ROBO2: variants seen among roughly 807,000 people sequenced by gnomAD.
ROBO2 encodes roundabout guidance receptor 2, also known as roundabout homolog 2.
A neutral mutation model predicts 160.8 loss-of-function variants in ROBO2; 53 were observed. That is an observed-to-expected ratio of 0.33 (90% confidence interval 0.26 to 0.41). The LOEUF (loss-of-function observed/expected upper bound fraction) is 0.41. Among genes scored for constraint, ROBO2 ranks in the 10% least tolerant of loss-of-function variants. The probability of loss-of-function intolerance (pLI) is 1.00; values close to 1 mark genes in which losing one functional copy is unlikely to be tolerated. For missense variants in ROBO2, 1,577 were observed against 1,722.4 expected, an observed-to-expected ratio of 0.92 and a Z score of 1.49; for synonymous variants, 664 against 611.7, an observed-to-expected ratio of 1.09 and a Z score of -1.26.
At chr3:77,471,316 A>G (rs1192042445) in intron 2 of ROBO2, among the ~76,000 whole-genome samples, 1 of 152,224 alleles carries the variant, frequency 6.6e-6, no homozygotes, top group Non-Finnish European at 1.5e-5. Context: ...ATATGGGATT[A>G]TAAGGAAGCA....
At chr3:77,274,870 T>C (rs562319118) in intron 2 of ROBO2, among the ~76,000 whole-genome samples, 45 of 152,080 alleles carry the variant, frequency 3.0e-4, no homozygotes, top group African/African-American at 1.1e-3. Context: ...AAGATTCTTC[T>C]ACTTTAGAGG....
In ROBO2 at chr3:77,024,962, GT is replaced by G. The variant is rs796434784; in HGVS notation, c.110-73043del. 8.0e-3 allele frequency among the ~76,000 whole-genome samples: 1,200 copies of G among 149,238 alleles called. 17 individuals carry two copies. Among genetic ancestry groups the G allele is most frequent in the African/African-American group, 0.027 (1,081 of 40,564 alleles). ...TCTGTTTTGTCTTCTCCTCTTAGCT[GT>G]TTTTTTTTGTTTGTTTTTTGTTTTA... On this transcript the variant is annotated intron_variant, in intron 2 of 26. Coordinates refer to the ROBO2 transcript ENST00000487694.
At chr3:77,300,088 A>C (rs528665580) in intron 2 of ROBO2, among the ~76,000 whole-genome samples, 1 of 152,266 alleles carries the variant, frequency 6.6e-6, no homozygotes, top group South Asian at 2.1e-4. Flanking sequence ...ATAAATGCAA[A>C]TTTTGTAACT....
At chr3:76,454,879 AAACAGGCAAAAATTATTC>A (rs1229160334) in intron 2 of ROBO2, among the ~76,000 whole-genome samples, 2 of 152,168 alleles carry the variant, frequency 1.3e-5, no homozygotes, top group Non-Finnish European at 2.9e-5. Flanking sequence ...GGAATTTATT[AAACAGGCAAAAATTATTC>A]AACATTCTAG....
chr3:76,376,740 A>G (rs1317239402), intron 2 of ROBO2, among the ~76,000 whole-genome samples: 1 of 152,114 alleles, frequency 6.6e-6, no homozygotes, highest in African/African-American at 2.4e-5. Context: ...GGGCCAGAGG[A>G]CAAGGGAAAG....
chr3:77,164,917 C>A (rs1163994450), intron 2 of ROBO2, among the ~76,000 whole-genome samples: 1 of 107,706 alleles, frequency 9.3e-6, no homozygotes, highest in Non-Finnish European at 2.2e-5. Context: ...CGGCCAGCCG[C>A]CCCGTCCGGG....
At chr3:76,360,449 AAAAG>A (rs1207879956) in intron 2 of ROBO2, among the ~76,000 whole-genome samples, 2 of 152,102 alleles carry the variant, frequency 1.3e-5, no homozygotes, top group Non-Finnish European at 2.9e-5. Flanking sequence ...TTGGATACAA[AAAAG>A]AAAGGCTTAC....
chr3:76,538,721 T>C (rs937371957), intron 2 of ROBO2, among the ~76,000 whole-genome samples: 16 of 152,208 alleles, frequency 1.1e-4, no homozygotes, highest in African/African-American at 3.9e-4. Flanking sequence ...AGGTAGTTTT[T>C]CAGGCCTTGC....
chr3:77,616,008 G>T (rs1167688172), intron 21 of ROBO2, among the ~76,000 whole-genome samples: 3 of 152,156 alleles, frequency 2.0e-5, no homozygotes, highest in Admixed American at 6.5e-5. Flanking sequence ...GGTGCAAGAA[G>T]TAGATAAGAA....
At chr3:76,701,961 A>C (rs2093054947) in intron 2 of ROBO2, among the ~76,000 whole-genome samples, 1 of 152,038 alleles carries the variant, frequency 6.6e-6, no homozygotes, top group African/African-American at 2.4e-5. Context: ...GCTCAGAGTC[A>C]TATGAATCAG....
intron 7 of ROBO2, 88 bp from the exon 9 acceptor site, chr3:77,550,730 A>G (rs1364172482): frequency 4.5e-6 from 6 of 1,343,010 alleles, no homozygotes; most frequent in Non-Finnish European, 6.4e-6. Flanking sequence ...TCTTTTTCCC[A>G]CTGTATTCCT....
chr3:76,689,020 G>T (rs11127556), intron 2 of ROBO2, among the ~76,000 whole-genome samples: 86,793 of 151,748 alleles, frequency 0.57, 26,255 homozygotes, highest in East Asian at 0.78. Context: ...CTAAAACAAA[G>T]TTTTAAAAAA....
intron 19 of ROBO2, among the ~76,000 whole-genome samples, chr3:77,598,761 G>A (rs1015299699): frequency 3.3e-5 from 5 of 152,052 alleles, no homozygotes; most frequent in African/African-American, 9.7e-5. Context: ...GGTAGTTTCT[G>A]TGCCTGAGCA....
chr3:77,217,965 T>C (rs2085204631), intron 2 of ROBO2, among the ~76,000 whole-genome samples: 1 of 152,236 alleles, frequency 6.6e-6, no homozygotes, highest in African/African-American at 2.4e-5. Flanking sequence ...ATTATTTATA[T>C]GTTTCCCAGT....
intron 2 of ROBO2, among the ~76,000 whole-genome samples, chr3:76,235,702 T>G (rs1168838131): frequency 1.3e-5 from 2 of 152,210 alleles, no homozygotes; most frequent in Non-Finnish European, 2.9e-5. Context: ...TTGTCACATT[T>G]GCTTAGAGAG....
At chr3:76,510,453 G>A (rs796474808) in intron 2 of ROBO2, among the ~76,000 whole-genome samples, 23 of 152,318 alleles carry the variant, frequency 1.5e-4, no homozygotes, top group African/African-American at 5.5e-4. Flanking sequence ...GCTGGGGGCA[G>A]TGGCTCACGT....
At chr3:76,302,505 T>C (rs1330286908) in intron 2 of ROBO2, among the ~76,000 whole-genome samples, 2 of 152,064 alleles carry the variant, frequency 1.3e-5, no homozygotes, top group African/African-American at 4.8e-5. Flanking sequence ...CTGATTCAAC[T>C]ATATATTAAT....
intron 2 of ROBO2, among the ~76,000 whole-genome samples, chr3:76,686,152 C>A (rs2092681177): frequency 6.6e-6 from 1 of 152,000 alleles, no homozygotes; most frequent in Non-Finnish European, 1.5e-5. Context: ...AACCTATTTG[C>A]CATAATCAAA....
At chr3:76,566,664 T>C (rs2084545209) in intron 2 of ROBO2, among the ~76,000 whole-genome samples, 1 of 152,096 alleles carries the variant, frequency 6.6e-6, no homozygotes. Context: ...TAGTCATTAA[T>C]GTTTACAACT....
Sources: gnomAD v4.1 joint callset for allele counts (sites outside exome capture counted in the v4.1 genomes callset) on GRCh38, gnomAD v4.1.1 for gene constraint, MANE v1.5 for transcripts, NCBI Gene and HGNC (gene_info 2026-07-23, HGNC 2026-07-21) for gene names.